The following BNC2 variants were observed in gnomAD, a reference collection of about 807,000 sequenced individuals.
The protein encoded by BNC2 is basonuclin zinc finger protein 2, also known as zinc finger protein basonuclin-2.
A neutral mutation model predicts 76.3 loss-of-function variants in BNC2; 20 were observed. The observed-to-expected ratio is 0.26, with a 90% CI of 0.18 to 0.38. BNC2 has a LOEUF of 0.38. BNC2 is among the 10% of genes least tolerant of loss of function. The pLI is 1.00. For synonymous variants in BNC2, 582 were observed against 514.8 expected, an observed-to-expected ratio of 1.13 and a Z score of -1.77; for missense variants, 1,382 against 1,399.8, an observed-to-expected ratio of 0.99 and a Z score of 0.20.
intron 5 of BNC2, among the ~76,000 whole-genome samples, chr9:16,460,136 G>C (rs530629276): frequency 6.6e-6 from 1 of 152,188 alleles, no homozygotes; most frequent in African/African-American, 2.4e-5. Context: ...ATATAGAGAA[G>C]TCATAATTTA....
intron 3 of BNC2, among the ~76,000 whole-genome samples, chr9:16,608,037 A>C (rs1186888005): frequency 6.6e-6 from 1 of 152,198 alleles, no homozygotes; most frequent in Non-Finnish European, 1.5e-5. Flanking sequence ...CACTGTTTAA[A>C]TAAAGCCTTC....
At chr9:16,429,226 A>C (rs1029258347) in intron 6 of BNC2, 2 of 152,230 alleles carry the variant, frequency 1.3e-5, no homozygotes. Context: ...CCTTCCTCTT[A>C]GTACAACCAC....
chr9:16,475,506 C>A (rs954563071), intron 5 of BNC2, among the ~76,000 whole-genome samples: 1 of 152,164 alleles, frequency 6.6e-6, no homozygotes, highest in East Asian at 1.9e-4. Context: ...CACTCAGATT[C>A]GGTATTTGAT....
chr9:16,712,386 G>C (rs1004473494), intron 3 of BNC2, among the ~76,000 whole-genome samples: 2 of 152,038 alleles, frequency 1.3e-5, no homozygotes, highest in African/African-American at 4.8e-5. Flanking sequence ...TTATATTTGT[G>C]GGAAATAATG....
chr9:16,759,176 A>G (rs1243282400), intron 1 of BNC2, among the ~76,000 whole-genome samples: 1 of 152,202 alleles, frequency 6.6e-6, no homozygotes, highest in Non-Finnish European at 1.5e-5. Flanking sequence ...ACACTTCTAT[A>G]ATAAGAAAGA....
chr9:16,688,005 A>T (rs1446566865), intron 3 of BNC2, among the ~76,000 whole-genome samples: 1 of 152,154 alleles, frequency 6.6e-6, no homozygotes, highest in East Asian at 1.9e-4. Flanking sequence ...ACATTTTCAA[A>T]CTTAGAGTGC....
chr9:16,563,571 C>T (rs1350648684), intron 4 of BNC2, among the ~76,000 whole-genome samples: 5 of 152,128 alleles, frequency 3.3e-5, no homozygotes, highest in African/African-American at 4.8e-5. Context: ...GTTTCAATTT[C>T]TTAGCTTTTA....
At chr9:16,595,240 C>T (rs563160859) in intron 3 of BNC2, among the ~76,000 whole-genome samples, 99 of 152,204 alleles carry the variant, frequency 6.5e-4, no homozygotes, top group Non-Finnish European at 1.1e-3. Context: ...CATTTTAATA[C>T]CTTCTATTGT....
At chr9:16,715,974 A>G (rs1466135479) in intron 3 of BNC2, among the ~76,000 whole-genome samples, 8 of 152,192 alleles carry the variant, frequency 5.3e-5, no homozygotes. Context: ...ACCAAAGGAA[A>G]CTCATTTTCA....
chr9:16,678,685 C>T (rs1330057630), intron 3 of BNC2, among the ~76,000 whole-genome samples: 2 of 142,688 alleles, frequency 1.4e-5, no homozygotes, highest in East Asian at 2.2e-4. Context: ...ATTGTTTTTA[C>T]ATAAAAGTTC....
chr9:16,660,661 G>T (rs1381673274), intron 3 of BNC2, among the ~76,000 whole-genome samples: 1 of 151,970 alleles, frequency 6.6e-6, no homozygotes, highest in Non-Finnish European at 1.5e-5. Flanking sequence ...GAATGTGCCA[G>T]CCAATATGAC....
At chr9:16,717,820 T>A (rs867279921) in intron 3 of BNC2, among the ~76,000 whole-genome samples, 4 of 152,130 alleles carry the variant, frequency 2.6e-5, no homozygotes, top group Admixed American at 6.6e-5. Context: ...GTAAAAAAAA[T>A]TTAAAAGATC....
At chr9:16,863,929 A>G (rs1455032875) in intron 1 of BNC2, among the ~76,000 whole-genome samples, 1 of 150,406 alleles carries the variant, frequency 6.6e-6, no homozygotes, top group Non-Finnish European at 1.5e-5. Flanking sequence ...TTAAAAAAGA[A>G]AAAAAGACAA....
At chr9:16,509,611 G>A (rs939731796) in intron 5 of BNC2, among the ~76,000 whole-genome samples, 28 of 152,184 alleles carry the variant, frequency 1.8e-4, no homozygotes, top group Non-Finnish European at 3.2e-4. Context: ...GTAAGTCAAA[G>A]TTACTAACCT....
intron 1 of BNC2, among the ~76,000 whole-genome samples, chr9:16,809,242 A>T (rs1292214495): frequency 6.6e-6 from 1 of 152,098 alleles, no homozygotes; most frequent in Admixed American, 6.6e-5. Flanking sequence ...TAAGAGCCAA[A>T]AACAAGCCCC....
chr9:16,635,094 G>T (rs1821285088), intron 3 of BNC2, among the ~76,000 whole-genome samples: 1 of 152,172 alleles, frequency 6.6e-6, no homozygotes, highest in African/African-American at 2.4e-5. Flanking sequence ...ATCTTTTGCA[G>T]TTTCTCTTGC....
chr9:16,711,069 C>T (rs537027992), intron 3 of BNC2, among the ~76,000 whole-genome samples: 31 of 151,952 alleles, frequency 2.0e-4, no homozygotes, highest in African/African-American at 5.3e-4. Context: ...ATTAGTGCTA[C>T]GTGACACGAT....
At chr9:16,605,807 G>C (rs1392730381) in intron 3 of BNC2, among the ~76,000 whole-genome samples, 4 of 28,508 alleles carry the variant, frequency 1.4e-4, no homozygotes, top group African/African-American at 6.6e-4. Flanking sequence ...TTTTTTTTTT[G>C]AGACATGGTC....
In BNC2 at chr9:16,419,456, G is replaced by A. The variant is rs1356513994; in HGVS notation, c.2833C>T (p.His945Tyr). 3 of 1,613,336 alleles carry A rather than the reference G, an allele frequency of 1.9e-6. No individual in the cohort carries two copies. The highest frequency in any genetic ancestry group is 2.5e-6 in the Non-Finnish European group (3 of 1,179,644). ...ATGCCTCTCCCATACCCGTTCAGGT[G>A]GGAGTCTTCAGTCCCTGCGGGAGAG... is the stretch of plus-strand genomic sequence containing the variant. ...ASSPAGTEDS[H>Y]LNGYGRGMAE... Residue 945 changes from histidine (H) to tyrosine (Y), a missense_variant, in exon 7 of 7, where the codon CAC (histidine) becomes TAC (tyrosine). Coordinates refer to ENST00000380672, the MANE Select transcript of BNC2 (RefSeq NM_017637.6).
Sources: gnomAD v4.1 joint callset for allele counts (sites outside exome capture counted in the v4.1 genomes callset) on GRCh38, gnomAD v4.1.1 for gene constraint, MANE v1.5 for transcripts, NCBI Gene and HGNC (gene_info 2026-07-23, HGNC 2026-07-21) for gene names.